NEK1: variants seen among roughly 807,000 people sequenced by gnomAD.
NEK1 encodes the protein NIMA related kinase 1, also known as serine/threonine-protein kinase Nek1.
In NEK1, 137 loss-of-function variants were observed where a neutral mutation model predicts 182.1. The ratio of observed to expected loss-of-function variants is 0.75; its 90% CI spans 0.65 to 0.87. NEK1 has a LOEUF of 0.87. Ranked by LOEUF, NEK1 falls within the 40% of genes least tolerant of loss-of-function variation. NEK1 has a pLI of 0.00. For missense variants in NEK1, 1,391 were observed against 1,494.4 expected (o/e 0.93, Z 1.14); for synonymous variants, 513 against 492.2 (o/e 1.04, Z -0.56).
At chr4:169,569,925 A>G (rs1333225171) in intron 12 of NEK1, among the ~76,000 whole-genome samples, 1 of 150,872 alleles carries the variant, frequency 6.6e-6, no homozygotes, top group East Asian at 2.0e-4. Flanking sequence ...CCGTCTGGGA[A>G]GTGAGGAGCG....
intron 12 of NEK1, among the ~76,000 whole-genome samples, chr4:169,569,621 G>A (rs1764326663): frequency 6.6e-6 from 1 of 152,074 alleles, no homozygotes; most frequent in Admixed American, 6.5e-5. Context: ...CCTGCCGAGT[G>A]CCTGCGATTG....
intron 19 of NEK1, among the ~76,000 whole-genome samples, chr4:169,509,209 C>A (rs772165707): frequency 1.3e-5 from 2 of 151,950 alleles, no homozygotes; most frequent in East Asian, 3.9e-4. Flanking sequence ...CAATCCATTT[C>A]GACATATGTC....
rs1444792530 is a variant in NEK1 at position 169,394,130 on chromosome 4, G to A, written c.*380C>T. On this transcript the variant is annotated 3_prime_UTR_variant, in exon 36 of 36. Coordinates refer to ENST00000507142, the MANE Select transcript of NEK1 (RefSeq NM_001199397.3). ...TTAAAGACTCCATTGAAAAACCACA[G>A]ACAGGTCCTTCATGACATAGGTAAT... The A allele has an allele frequency of 5.7e-6, 1 of 174,008 alleles. No homozygotes were observed. Among genetic ancestry groups the A allele is most frequent in the African/African-American group, 2.4e-5 (1 of 41,778 alleles). The allele number at this position is 174,008 out of a possible 1,614,324, so 10.8% of individuals were successfully genotyped here.
At chr4:169,424,420 G>T in intron 31 of NEK1, 133 bp downstream of exon 31, 1 of 1,048,864 alleles carries the variant, frequency 9.5e-7, no homozygotes, top group Middle Eastern at 2.5e-4. Context: ...TTGCTCAGAA[G>T]ATGGAGGTTT....
intron 18 of NEK1, among the ~76,000 whole-genome samples, chr4:169,538,454 T>C (rs1270557046): frequency 7.9e-6 from 1 of 126,836 alleles, no homozygotes; most frequent in African/African-American, 3.4e-5. Context: ...TAAAAACAGT[T>C]ATTTGTTTTA....
At chr4:169,468,868 T>A (rs905175349) in intron 26 of NEK1, among the ~76,000 whole-genome samples, 1 of 152,190 alleles carries the variant, frequency 6.6e-6, no homozygotes, top group Non-Finnish European at 1.5e-5. Flanking sequence ...TGTCCAGGAA[T>A]GTATCTATTT....
chr4:169,572,486 A>C (rs894190455), intron 12 of NEK1, among the ~76,000 whole-genome samples: 3 of 152,200 alleles, frequency 2.0e-5, no homozygotes, highest in Non-Finnish European at 4.4e-5. Flanking sequence ...GGAGATGTTA[A>C]GACAGGTATC....
chr4:169,404,848 T>TA lies in NEK1; in HGVS notation c.3374+1747dup. The stretch of plus-strand genomic sequence containing the variant: ...CACAATCTAAGGGGTTATCACTCCT[T>TA]ACAGCTCTCAGAGGTATTGCTTGTT... On this transcript the variant is annotated intron_variant, in intron 32 of 35. Transcript: ENST00000507142. Among the ~76,000 whole-genome samples the TA allele has an allele frequency of 2.0e-5, 3 of 152,280 alleles. No individual in the cohort carries two copies. The East Asian group carries it at 5.8e-4, about 29-fold the overall frequency.
chr4:169,404,448 C>T (rs1212909183), intron 32 of NEK1, among the ~76,000 whole-genome samples: 1 of 152,044 alleles, frequency 6.6e-6, no homozygotes, highest in East Asian at 1.9e-4. Context: ...ATAAAATGTG[C>T]CAGCGGCATC....
At chr4:169,527,905 AAC>A (rs1757121039) in intron 19 of NEK1, among the ~76,000 whole-genome samples, 1 of 152,136 alleles carries the variant, frequency 6.6e-6, no homozygotes, top group Non-Finnish European at 1.5e-5. Flanking sequence ...ATTTTTTAAA[AAC>A]ACATAAAAAA....
At chr4:169,472,043 G>T (rs6553439) in intron 26 of NEK1, among the ~76,000 whole-genome samples, 127,615 of 152,044 alleles carry the variant, frequency 0.84, 54,096 homozygotes, top group East Asian at 0.96. Flanking sequence ...CTTAGCTTGT[G>T]GGGCTCCGTG....
intron 31 of NEK1, among the ~76,000 whole-genome samples, chr4:169,422,169 C>T (rs922688661): frequency 1.2e-4 from 18 of 152,090 alleles, no homozygotes; most frequent in African/African-American, 3.6e-4. Context: ...TGAACAGAGC[C>T]GCTTCAGTGG....
intron 32 of NEK1, among the ~76,000 whole-genome samples, chr4:169,405,021 A>G (rs1054985738): frequency 6.6e-6 from 1 of 152,092 alleles, no homozygotes; most frequent in African/African-American, 2.4e-5. Context: ...CTAACTCCCC[A>G]TTGGCATGGC....
At chr4:169,611,175 A>C (rs1429591719) in intron 2 of NEK1, among the ~76,000 whole-genome samples, 4 of 152,222 alleles carry the variant, frequency 2.6e-5, no homozygotes, top group Non-Finnish European at 5.9e-5. Context: ...TACTTGGAAT[A>C]CAATGTCAAT....
chr4:169,402,675 T>TA, intron 32 of NEK1, among the ~76,000 whole-genome samples: 1 of 152,284 alleles, frequency 6.6e-6, no homozygotes, highest in Admixed American at 6.5e-5. Context: ...ACTCAAATTT[T>TA]ATCCACAAAA....
chr4:169,401,741 T>C lies in NEK1; in HGVS notation c.3494A>G (p.Asp1165Gly). 1 of 1,613,972 alleles carries C rather than the reference T, an allele frequency of 6.2e-7. No homozygotes were observed. The highest frequency in any genetic ancestry group is 8.5e-7 in the Non-Finnish European group (1 of 1,179,840). The change falls in exon 33 of 36, where the codon GAT becomes GGT. Residue 1165 changes from aspartate to glycine, a missense_variant. Asp to Gly is a moderately conservative substitution (Grantham distance 94). Coordinates refer to ENST00000507142, the MANE Select transcript of NEK1 (RefSeq NM_001199397.3). The stretch of plus-strand genomic sequence containing the variant: ...TGTCCCATTTGCAGTTGGCTCCACA[T>C]CACTGTTCTTCAAGACTGACTCTTC... ...EEEESVLKNS[D>G]VEPTANGTDV...
rs1308720231 is a variant in NEK1, at chr4:169,603,457, C to T, written c.-48-779G>A. Among the ~76,000 whole-genome samples the T allele has an allele frequency of 3.3e-5, 5 of 152,252 alleles. No individual in the cohort carries two copies. The South Asian group carries it at 6.2e-4, about 19-fold the overall frequency. On this transcript the variant is annotated intron_variant, in intron 2 of 35. Transcript: ENST00000507142. Reference sequence around the variant, plus strand: ...TTGTTATGTAAACTTAGGCAAGTTACTTATCTCTATGTGCTCAGTTTGGTC... The same window carrying T: ...TTGTTATGTAAACTTAGGCAAGTTATTTATCTCTATGTGCTCAGTTTGGTC...
intron 27 of NEK1, among the ~76,000 whole-genome samples, chr4:169,441,866 C>T (rs529471198): frequency 1.3e-5 from 2 of 152,246 alleles, no homozygotes; most frequent in Admixed American, 1.3e-4. Context: ...TGGCGATGCC[C>T]CCAATAGTGC....
chr4:169,495,879 A>G lies in NEK1; in HGVS notation c.2007+11158T>C, dbSNP rs890943436. Reference sequence around the variant, plus strand: ...TCTTTTGGCTTAGGATTGACTTGGCAATGCGGGCTCTTTTTTGGTTCCATG... The same window carrying G: ...TCTTTTGGCTTAGGATTGACTTGGCGATGCGGGCTCTTTTTTGGTTCCATG... On this transcript the variant is annotated intron_variant, in intron 23 of 35. Coordinates refer to ENST00000507142, the MANE Select transcript of NEK1 (RefSeq NM_001199397.3). 6.4e-4 allele frequency among the ~76,000 whole-genome samples: 98 copies of G among 152,224 alleles called. 1 individual carries two copies. Among genetic ancestry groups the G allele is most frequent in the South Asian group, 3.5e-3 (17 of 4,820 alleles).
Sources: gnomAD v4.1 joint callset for allele counts (sites outside exome capture counted in the v4.1 genomes callset) on GRCh38, gnomAD v4.1.1 for gene constraint, MANE v1.5 for transcripts, NCBI Gene and HGNC (gene_info 2026-07-23, HGNC 2026-07-21) for gene names.